TBC1D32: variants seen among roughly 807,000 people sequenced by gnomAD.
The protein encoded by TBC1D32 is TBC1 domain family member 32.
A neutral mutation model predicts 170.3 loss-of-function variants in TBC1D32; 151 were observed. The ratio of observed to expected loss-of-function variants is 0.89; its 90% CI spans 0.78 to 1.01. The LOEUF is 1.01. Ranked by LOEUF, TBC1D32 falls within the 50% of genes least tolerant of loss-of-function variation. The probability of loss-of-function intolerance (pLI) is 0.00; values close to 1 mark genes in which losing one functional copy is unlikely to be tolerated. For synonymous variants in TBC1D32, 498 were observed against 488.0 expected, an observed-to-expected ratio of 1.02 and a Z score of -0.27; for missense variants, 1,464 against 1,457.1, an observed-to-expected ratio of 1.00 and a Z score of -0.08.
chr6:121,217,066 C>G (rs1793918142), intron 21 of TBC1D32, among the ~76,000 whole-genome samples: 2 of 152,186 alleles, frequency 1.3e-5, no homozygotes, highest in Non-Finnish European at 2.9e-5. Context: ...CAGCCCCATT[C>G]AACTCTCCCA....
intron 1 of TBC1D32, among the ~76,000 whole-genome samples, chr6:121,328,131 T>C (rs1186731520): frequency 1.3e-5 from 2 of 152,176 alleles, no homozygotes; most frequent in African/African-American, 4.8e-5. Context: ...GTGCTTAAAA[T>C]ATCGAGACTA....
intron 22 of TBC1D32, among the ~76,000 whole-genome samples, chr6:121,196,117 G>A (rs1235280832): frequency 6.6e-6 from 1 of 152,224 alleles, no homozygotes; most frequent in African/African-American, 2.4e-5. Context: ...CCTCAGCAGA[G>A]GAGGATTTTA....
rs760237654 is a variant in TBC1D32, at chr6:121,112,572, T to C, written c.3257A>G (p.Gln1086Arg). ...AAGCCTGGAGAATTGATGAAGAAAT[T>C]GGAATGTTTTTTCTTTGTCTCCCAA... ...IMLGDKEKTF[Q>R]FLHQFSRLLT... Residue 1086 changes from glutamine (Q) to arginine (R), a missense_variant, in exon 29 of 32, where the codon CAA becomes CGA. Physicochemically the swap from Gln to Arg is conservative, Grantham distance 43. This residue lies in a region of TBC1D32 where 1,363 missense variants were observed against 1,338.1 expected (regional missense o/e 1.02). Transcript: ENST00000398212. 5 of 1,611,134 alleles carry C rather than the reference T, an allele frequency of 3.1e-6. No homozygotes were observed. In the South Asian group the frequency reaches 5.5e-5, roughly 18 times the overall value.
At chr6:121,096,296 CCCA>C (rs1488089695) in intron 30 of TBC1D32, 1 of 151,254 alleles carries the variant, frequency 6.6e-6, no homozygotes, top group Non-Finnish European at 1.5e-5. Flanking sequence ...TTTAGAAAAC[CCCA>C]CCATCTCAGC....
chr6:121,106,117 T>C lies in TBC1D32; in HGVS notation c.3371A>G (p.Tyr1124Cys). The change falls in exon 30 of 32, where the codon TAT becomes TGT. Residue 1124 changes from tyrosine (Y) to cysteine (C), a missense_variant. By Grantham distance (194) the Tyr-to-Cys change is radical. Transcript: ENST00000398212. ...DTVESGIHPV[Y>C]FCSTHYIEML... is the part of the protein sequence containing the mutation. ...TTCAATATAATGGGTGCTGCAAAAA[T>C]ATACTGGATGGATGCCAGATTCTAC... is the stretch of plus-strand genomic sequence containing the variant. The C allele has an allele frequency of 6.3e-7, 1 of 1,597,728 alleles. No homozygotes were observed. The highest frequency in any genetic ancestry group is 8.6e-7 in the Non-Finnish European group (1 of 1,169,292).
intron 22 of TBC1D32, among the ~76,000 whole-genome samples, chr6:121,183,944 C>T (rs1395394317): frequency 6.6e-6 from 1 of 151,996 alleles, no homozygotes; most frequent in Non-Finnish European, 1.5e-5. Context: ...CCCATATACA[C>T]CACAGAAGCT....
chr6:121,142,874 C>T (rs917155417), intron 24 of TBC1D32, among the ~76,000 whole-genome samples: 1 of 152,106 alleles, frequency 6.6e-6, no homozygotes, highest in African/African-American at 2.4e-5. Context: ...CCTTCCTGTT[C>T]CATACAGAAG....
intron 17 of TBC1D32, among the ~76,000 whole-genome samples, chr6:121,245,508 A>G (rs948841418): frequency 1.9e-4 from 29 of 152,224 alleles, no homozygotes; most frequent in African/African-American, 7.0e-4. Context: ...TTACATCACA[A>G]ACATAATTGC....
intron 15 of TBC1D32, among the ~76,000 whole-genome samples, chr6:121,263,360 G>A (rs1473962905): frequency 1.3e-5 from 2 of 152,134 alleles, no homozygotes; most frequent in African/African-American, 4.8e-5. Context: ...TTACATAATG[G>A]TAAAGGGATC....
At position 121,304,426 on chromosome 6, in the gene TBC1D32, C is replaced by A; in HGVS notation, c.874G>T (p.Val292Phe). ...NPNMTRLLKK[V>F]RLLNEYQKEA... is the part of the protein sequence containing the mutation. ...TTCTGATATTCATTTAGAAGACGAA[C>A]CTACAAAGCAGTGCACAATAGTTCT... Residue 292 changes from valine (V) to phenylalanine (F), a missense_variant and splice_region_variant, in exon 8 of 32, where the codon GTT becomes TTT. By Grantham distance (50) the Val-to-Phe change is conservative. Transcript: ENST00000398212. 6.2e-7 allele frequency: 1 copy of A among 1,612,872 alleles called. No individual in the cohort carries two copies.
chr6:121,130,054 A>G, intron 25 of TBC1D32: 1 of 334,388 alleles, frequency 3.0e-6, no homozygotes, highest in Non-Finnish European at 5.6e-6. Flanking sequence ...ACTCTTATAT[A>G]AGAAGACTTT....
chr6:121,218,836 T>A (rs1179107672), intron 21 of TBC1D32, among the ~76,000 whole-genome samples: 1 of 152,140 alleles, frequency 6.6e-6, no homozygotes, highest in Non-Finnish European at 1.5e-5. Flanking sequence ...GATGGTTTTA[T>A]AAGGGATTTT....
intron 22 of TBC1D32, among the ~76,000 whole-genome samples, chr6:121,170,018 T>G (rs1376586870): frequency 1.3e-5 from 2 of 152,090 alleles, no homozygotes; most frequent in Non-Finnish European, 2.9e-5. Flanking sequence ...TTTTGTTCAA[T>G]GGGTCATCTT....
chr6:121,152,109 C>A (rs1362375169), intron 24 of TBC1D32, among the ~76,000 whole-genome samples: 1 of 152,136 alleles, frequency 6.6e-6, no homozygotes, highest in Non-Finnish European at 1.5e-5. Context: ...ATGGTCTTCA[C>A]ATTTTGGTTT....
intron 2 of TBC1D32, among the ~76,000 whole-genome samples, chr6:121,321,281 T>C (rs997514770): frequency 6.6e-6 from 1 of 152,130 alleles, no homozygotes; most frequent in African/African-American, 2.4e-5. Flanking sequence ...AGGAGCAACA[T>C]GAGTGCAAAT....
rs1279065676 is a variant in TBC1D32, at chr6:121,292,228, T to C, written c.1232-35A>G. The C allele has an allele frequency of 1.9e-6, 3 of 1,551,388 alleles. No individual in the cohort carries two copies. The African/African-American group carries it at 4.1e-5, about 21-fold the overall frequency. ...GAAGCAAACACGAATATTTATTTAGTATCATTATATTTTACAGTACCTGTC... is the reference window on the plus strand; with the variant it reads ...GAAGCAAACACGAATATTTATTTAGCATCATTATATTTTACAGTACCTGTC... On this transcript the variant is annotated intron_variant, in intron 11 of 31. Coordinates refer to ENST00000398212, the MANE Select transcript of TBC1D32 (RefSeq NM_152730.6).
intron 22 of TBC1D32, among the ~76,000 whole-genome samples, chr6:121,168,900 T>C (rs1244706066): frequency 6.6e-6 from 1 of 151,978 alleles, no homozygotes; most frequent in Non-Finnish European, 1.5e-5. Flanking sequence ...TACAAGCCAC[T>C]GCTCAAAGAA....
intron 2 of TBC1D32, among the ~76,000 whole-genome samples, chr6:121,318,888 G>A (rs541595676): frequency 5.3e-5 from 8 of 151,044 alleles, no homozygotes; most frequent in South Asian, 2.1e-4. Flanking sequence ...TGAATAATGC[G>A]TCATTGCAAC....
intron 30 of TBC1D32, among the ~76,000 whole-genome samples, chr6:121,097,813 T>C (rs1401195307): frequency 2.0e-5 from 3 of 151,982 alleles, no homozygotes; most frequent in Admixed American, 6.6e-5. Context: ...TCAATGATAA[T>C]AGACTGGATT....
Sources: allele counts gnomAD v4.1 joint callset (sites outside exome capture counted in the v4.1 genomes callset), GRCh38; gene constraint gnomAD v4.1.1; regional missense constraint gnomAD v4.1.1; transcripts MANE v1.5; gene names NCBI Gene and HGNC (gene_info 2026-07-23, HGNC 2026-07-21).